EPN2: variants seen among roughly 807,000 people sequenced by gnomAD.
The protein encoded by EPN2 is epsin-2.
EPN2 carries 34 observed loss-of-function variants against 61.7 expected under a neutral mutation model. The observed-to-expected ratio is 0.55, with a 90% CI of 0.42 to 0.73. EPN2 has a LOEUF of 0.73. Ranked by LOEUF, EPN2 falls within the 30% of genes least tolerant of loss-of-function variation. The probability of loss-of-function intolerance (pLI) is 0.00; values close to 1 mark genes in which losing one functional copy is unlikely to be tolerated. For synonymous variants in EPN2, 349 were observed against 353.6 expected, an observed-to-expected ratio of 0.99 and a Z score of 0.15; for missense variants, 714 against 839.2, an observed-to-expected ratio of 0.85 and a Z score of 1.84.
intron 7 of EPN2, among the ~76,000 whole-genome samples, chr17:19,319,249 T>TATAA (rs1906535276): frequency 1.3e-5 from 2 of 152,108 alleles, no homozygotes; most frequent in South Asian, 4.1e-4. Context: ...CTCTTAAAGA[T>TATAA]ATAAACCTAT....
At chr17:19,237,685 GC>G (rs1171658726) in intron 1 of EPN2, among the ~76,000 whole-genome samples, 154 bp downstream of exon 1, 1 of 151,950 alleles carries the variant, frequency 6.6e-6, no homozygotes, top group African/African-American at 2.4e-5. Flanking sequence ...TGGTCCCTAC[GC>G]CAGGCTCTGG....
chr17:19,298,258 G>A (rs148300209), intron 4 of EPN2, among the ~76,000 whole-genome samples: 154 of 152,234 alleles, frequency 1.0e-3, no homozygotes, highest in Admixed American at 3.5e-3. Flanking sequence ...GCAATGGCAC[G>A]ATTTCTGCTC....
chr17:19,293,518 A>G (rs2045485356), intron 4 of EPN2, among the ~76,000 whole-genome samples: 1 of 144,538 alleles, frequency 6.9e-6, no homozygotes, highest in Non-Finnish European at 1.5e-5. Flanking sequence ...CTACAGGTGC[A>G]TGCCACCATA....
chr17:19,261,082 T>C (rs549315889), intron 1 of EPN2, among the ~76,000 whole-genome samples: 1 of 152,356 alleles, frequency 6.6e-6, no homozygotes, highest in East Asian at 1.9e-4. Flanking sequence ...GCACATCGTT[T>C]CCCACATTGC....
chr17:19,327,506 G>T (rs553638119), intron 7 of EPN2, among the ~76,000 whole-genome samples: 1 of 151,864 alleles, frequency 6.6e-6, no homozygotes, highest in East Asian at 1.9e-4. Flanking sequence ...ACCCCATCTC[G>T]ACGAAAATTA....
chr17:19,296,154 T>G (rs1403036957), intron 4 of EPN2, among the ~76,000 whole-genome samples: 1 of 152,064 alleles, frequency 6.6e-6, no homozygotes, highest in African/African-American at 2.4e-5. Context: ...CATTCTATTT[T>G]TTTTTTTTTA....
intron 7 of EPN2, among the ~76,000 whole-genome samples, chr17:19,319,743 G>A (rs1906559255): frequency 6.6e-6 from 1 of 151,956 alleles, no homozygotes; most frequent in African/African-American, 2.4e-5. Flanking sequence ...CGCCTCCCAG[G>A]TTCAAGCAGT....
Position 19,313,197 on chromosome 17 carries a change from C to T in EPN2, c.1065C>T (p.Gly355=). 6.2e-7 allele frequency: 1 copy of T among 1,612,322 alleles called. No individual in the cohort carries two copies. The highest frequency in any genetic ancestry group is 8.5e-7 in the Non-Finnish European group (1 of 1,179,310). The stretch of plus-strand genomic sequence containing the variant: ...CGGCCCAGAAAGCAGAGCCCTGGGG[C>T]CCGTCAGCCTCCACTAACCAGACCA... ...GPAAQKAEPW[G]PSASTNQTNP... The change falls in exon 7 of 11, where the codon GGC becomes GGT. Residue 355 remains glycine (G), a synonymous_variant. Coordinates refer to ENST00000314728, the MANE Select transcript of EPN2 (RefSeq NM_014964.5).
At chr17:19,290,372 C>T (rs144523168) in intron 4 of EPN2, among the ~76,000 whole-genome samples, 241 of 152,264 alleles carry the variant, frequency 1.6e-3, no homozygotes, top group African/African-American at 5.3e-3. Flanking sequence ...GGAGAAATTA[C>T]AGAAGTTCTT....
chr17:19,309,467 G>C (rs548662743), intron 4 of EPN2, among the ~76,000 whole-genome samples: 8 of 152,292 alleles, frequency 5.3e-5, no homozygotes, highest in Admixed American at 2.6e-4. Context: ...GCCTGGAGTG[G>C]AGTCTTTGGT....
chr17:19,266,499 T>G (rs983884795), intron 1 of EPN2, among the ~76,000 whole-genome samples: 2 of 151,060 alleles, frequency 1.3e-5, no homozygotes, highest in Non-Finnish European at 2.9e-5. Flanking sequence ...GCCTCCCGGG[T>G]TCGTGCCATT....
At chr17:19,276,336 C>T (rs1161300613) in intron 1 of EPN2, 1 of 150,242 alleles carries the variant, frequency 6.7e-6, no homozygotes, top group Non-Finnish European at 1.5e-5. Flanking sequence ...TGCAGATGTG[C>T]ACCACCATGC....
intron 4 of EPN2, among the ~76,000 whole-genome samples, chr17:19,300,146 G>A (rs549495894): frequency 6.6e-5 from 10 of 152,256 alleles, no homozygotes; most frequent in South Asian, 2.1e-4. Flanking sequence ...CCCAATGTCC[G>A]GAGAAGCGGA....
chr17:19,290,709 AAAAAAAG>A (rs1567856323), intron 4 of EPN2, among the ~76,000 whole-genome samples: 2 of 79,108 alleles, frequency 2.5e-5, no homozygotes, highest in Admixed American at 1.2e-4. Context: ...TCAAAAAAAA[AAAAAAAG>A]AAAAAAAAAG....
intron 1 of EPN2, among the ~76,000 whole-genome samples, chr17:19,262,519 A>G (rs1270490352): frequency 1.3e-5 from 2 of 152,246 alleles, no homozygotes; most frequent in Non-Finnish European, 2.9e-5. Context: ...AGTTTTATTG[A>G]TGCATAATTT....
intron 1 of EPN2, among the ~76,000 whole-genome samples, chr17:19,256,625 G>T (rs944992900): frequency 3.9e-5 from 6 of 152,080 alleles, no homozygotes; most frequent in African/African-American, 1.4e-4. Context: ...ATAGCGTCCA[G>T]TGGTTTTCGG....
At chr17:19,239,372 G>A (rs1430959518) in intron 1 of EPN2, among the ~76,000 whole-genome samples, 2 of 152,308 alleles carry the variant, frequency 1.3e-5, no homozygotes, top group Non-Finnish European at 2.9e-5. Flanking sequence ...GGCTGGTCTC[G>A]AACTCCTGAC....
intron 1 of EPN2, among the ~76,000 whole-genome samples, chr17:19,243,731 G>GT (rs982836575): frequency 5.9e-5 from 9 of 152,100 alleles, no homozygotes. Context: ...TAGAGATGGG[G>GT]TTTTACCACG....
At chr17:19,317,302 T>C (rs1374136940) in intron 7 of EPN2, among the ~76,000 whole-genome samples, 1 of 152,208 alleles carries the variant, frequency 6.6e-6, no homozygotes, top group African/African-American at 2.4e-5. Context: ...TCCTCCTCTG[T>C]TCCAGACACA....
Sources: allele counts gnomAD v4.1 joint callset (sites outside exome capture counted in the v4.1 genomes callset), GRCh38; gene constraint gnomAD v4.1.1; transcripts MANE v1.5; gene names NCBI Gene and HGNC (gene_info 2026-07-23, HGNC 2026-07-21).